The following PCDH19 variants were observed in gnomAD, a reference collection of about 807,000 sequenced individuals.
PCDH19 encodes protocadherin-19.
In PCDH19, 6 loss-of-function variants were observed where a neutral mutation model predicts 46.2. The ratio of observed to expected loss-of-function variants is 0.13; its 90% confidence interval spans 0.07 to 0.26. The LOEUF is 0.26. Ranked by LOEUF, PCDH19 falls within the 10% of genes least tolerant of loss-of-function variation. PCDH19 has a pLI of 1.00. For synonymous variants in PCDH19, 481 were observed against 415.7 expected, an observed-to-expected ratio of 1.16 and a Z score of -1.91; for missense variants, 740 against 972.3, an observed-to-expected ratio of 0.76 and a Z score of 3.18.
At chrX:100,348,083 AAAAG>A (rs1254722519) in intron 4 of PCDH19, among the ~76,000 whole-genome samples, 3 of 106,522 alleles carry the variant, frequency 2.8e-5, no homozygotes, top group African/African-American at 1.1e-4. Context: ...AAAAAAAAAA[AAAAG>A]AAAGAAAGAA....
chrX:100,374,052 T>C (rs989016809), intron 3 of PCDH19, among the ~76,000 whole-genome samples: 2 of 113,001 alleles, frequency 1.8e-5, no homozygotes, highest in African/African-American at 3.2e-5. Context: ...GTAGCTTTCA[T>C]TGATTTCGTC....
Position 100,392,003 on chromosome X carries a change from A to C in PCDH19, c.2616+10521T>G, listed in dbSNP as rs191531436. ...ACATTTATTTGATCCCATATTTCCA[A>C]ATATGACACCATGCATAGCCACAAA... is the stretch of plus-strand genomic sequence containing the variant. On this transcript the variant is annotated intron_variant, in intron 3 of 5. Coordinates refer to ENST00000373034, the MANE Select transcript of PCDH19 (RefSeq NM_001184880.2). Among the ~76,000 whole-genome samples the C allele has an allele frequency of 3.8e-3, 427 of 111,891 alleles. 2 individuals carry two copies. Among genetic ancestry groups the C allele is most frequent in the African/African-American group, 0.013 (410 of 30,784 alleles).
At position 100,408,086 on chromosome X, in the gene PCDH19, T is replaced by C. The variant is rs771824360; in HGVS notation, c.512A>G (p.Asn171Ser). The change falls in exon 1 of 6, where the codon AAC becomes AGC. Residue 171 changes from asparagine to serine, a missense_variant. Around this residue, in one of 5 missense-constraint regions of PCDH19, gnomAD observed 48 missense variants for 43.2 expected, o/e 1.11. Transcript: ENST00000373034. Reference sequence around the variant, plus strand: ...CTTGATCTCCAGGCCGAACAGCTCGTTGGGCGTGAGCTCGTAAGTCTGCAC... The same window carrying C: ...CTTGATCTCCAGGCCGAACAGCTCGCTGGGCGTGAGCTCGTAAGTCTGCAC... Reference protein sequence around the residue: ...FGVQTYELTPNELFGLEIKTR... With the variant: ...FGVQTYELTPSELFGLEIKTR... 4.1e-6 allele frequency: 5 copies of C among 1,210,148 alleles called. No individual in the cohort carries two copies. The highest frequency in any genetic ancestry group is 5.6e-6 in the Non-Finnish European group (5 of 895,630).
chrX:100,402,956 G>C (rs375097185), intron 2 of PCDH19, 105 bp from the exon 3 acceptor site: 40 of 599,555 alleles, frequency 6.7e-5, no homozygotes, highest in South Asian at 4.6e-4. Flanking sequence ...CTCCGCTCCA[G>C]CTCCTTATTC....
At chrX:100,405,353 C>T (rs190652259) in intron 1 of PCDH19, among the ~76,000 whole-genome samples, 11 of 111,589 alleles carry the variant, frequency 9.9e-5, no homozygotes, top group African/African-American at 3.6e-4. Context: ...TCAACTGTTT[C>T]GATGAGACAC....
At position 100,296,804 on chromosome X, in the gene PCDH19, G is replaced by A. The variant is rs1365399922; in HGVS notation, c.2920C>T (p.Arg974Trp). The change falls in exon 6 of 6, where the codon CGG (arginine) becomes TGG (tryptophan). Residue 974 changes from arginine to tryptophan, a missense_variant. Physicochemically the swap from Arg to Trp is moderately radical, Grantham distance 101 (BLOSUM62 -3). Around this residue, in one of 5 missense-constraint regions of PCDH19, gnomAD observed 416 missense variants for 476.8 expected, o/e 0.87. Transcript: ENST00000373034. ...TTGGAACGGATGGGCATGGGGTTCCGGGGCATCCAGCACCTGTCAGAGTGG... is the reference window on the plus strand; with the variant it reads ...TTGGAACGGATGGGCATGGGGTTCCAGGGCATCCAGCACCTGTCAGAGTGG... ...LGHSDRCWMPRNPMPIRSKSP... is the reference protein window; with the variant it reads ...LGHSDRCWMPWNPMPIRSKSP... 7.4e-6 allele frequency: 9 copies of A among 1,209,205 alleles called. No homozygotes were observed. The highest frequency in any genetic ancestry group is 5.9e-5 in the East Asian group (2 of 33,745).
At chrX:100,309,666 AC>A (rs1214758664) in intron 5 of PCDH19, among the ~76,000 whole-genome samples, 1 of 111,716 alleles carries the variant, frequency 9.0e-6, no homozygotes, top group African/African-American at 3.3e-5. Context: ...GGTTAAAAAC[AC>A]TAGAAATGTC....
intron 5 of PCDH19, among the ~76,000 whole-genome samples, chrX:100,329,779 G>T (rs1220010896): frequency 9.0e-6 from 1 of 110,947 alleles, no homozygotes; most frequent in Non-Finnish European, 1.9e-5. Context: ...GGGCGTGGTG[G>T]CAGGCGCCTG....
At chrX:100,336,091 C>A (rs1926077796) in intron 5 of PCDH19, among the ~76,000 whole-genome samples, 1 of 112,215 alleles carries the variant, frequency 8.9e-6, no homozygotes, top group African/African-American at 3.2e-5. Context: ...TTTTTGACAG[C>A]AAATGCTATT....
At chrX:100,399,365 A>G (rs1294785581) in intron 3 of PCDH19, among the ~76,000 whole-genome samples, 1 of 111,744 alleles carries the variant, frequency 8.9e-6, no homozygotes, top group Non-Finnish European at 1.9e-5. Context: ...ATTGCACCCT[A>G]TATTAGCATT....
At chrX:100,303,273 A>G (rs1924840706) in intron 5 of PCDH19, among the ~76,000 whole-genome samples, 1 of 110,427 alleles carries the variant, frequency 9.1e-6, no homozygotes, top group African/African-American at 3.3e-5. Context: ...AATGGAAAAG[A>G]AAGGAAGGAA....
At chrX:100,313,918 A>C (rs970689479) in intron 5 of PCDH19, among the ~76,000 whole-genome samples, 1 of 108,781 alleles carries the variant, frequency 9.2e-6, no homozygotes, top group African/African-American at 3.4e-5. Context: ...AAGTCTATAC[A>C]GAATTGTAAT....
chrX:100,371,229 G>A, intron 3 of PCDH19, among the ~76,000 whole-genome samples: 1 of 111,914 alleles, frequency 8.9e-6, no homozygotes, highest in Non-Finnish European at 1.9e-5. Flanking sequence ...GATACCAAAT[G>A]TTTGGTGGTC....
intron 3 of PCDH19, among the ~76,000 whole-genome samples, chrX:100,356,873 G>T (rs1277501772): frequency 5.4e-5 from 6 of 111,006 alleles, no homozygotes; most frequent in Non-Finnish European, 9.4e-5. Flanking sequence ...CCCTAGGATT[G>T]TCATTAACTT....
At chrX:100,313,803 C>G (rs1925204843) in intron 5 of PCDH19, among the ~76,000 whole-genome samples, 1 of 107,832 alleles carries the variant, frequency 9.3e-6, no homozygotes, top group South Asian at 4.1e-4. Context: ...GGGGCAGATG[C>G]AGAATTATAT....
At chrX:100,344,868 A>AC (rs1240252500) in intron 4 of PCDH19, among the ~76,000 whole-genome samples, 126 of 105,315 alleles carry the variant, frequency 1.2e-3, no homozygotes, top group African/African-American at 4.2e-3. Flanking sequence ...AGTGACCCCC[A>AC]CTTAAAGGAA....
At chrX:100,323,011 C>T (rs1340742639) in intron 5 of PCDH19, among the ~76,000 whole-genome samples, 1 of 107,426 alleles carries the variant, frequency 9.3e-6, no homozygotes, top group Non-Finnish European at 1.9e-5. Context: ...TCTTAAATAT[C>T]AACATGAGCA....
At chrX:100,402,929 A>T in intron 2 of PCDH19, 78 bp from the exon 3 acceptor site, 1 of 771,184 alleles carries the variant, frequency 1.3e-6, no homozygotes. Flanking sequence ...TAAGCACCCC[A>T]GAGGGTTGCA....
rs186440667 is a variant in PCDH19 at position 100,391,665 on chromosome X, C to G, written c.2616+10859G>C. On this transcript the variant is annotated intron_variant, in intron 3 of 5. Transcript: ENST00000373034. The stretch of plus-strand genomic sequence containing the variant: ...AAGATAACTTGGAGATCCCCCAACC[C>G]AATCTCTTCACATATTGTTGCAGGT... 2.6e-4 allele frequency among the ~76,000 whole-genome samples: 29 copies of G among 112,273 alleles called. 1 individual carries two copies. The East Asian group carries it at 7.9e-3, about 30-fold the overall frequency.
Sources: gnomAD v4.1 joint callset for allele counts (sites outside exome capture counted in the v4.1 genomes callset) on GRCh38, gnomAD v4.1.1 for gene constraint, gnomAD v4.1.1 regional missense constraint, MANE v1.5 for transcripts, NCBI Gene and HGNC (gene_info 2026-07-23, HGNC 2026-07-21) for gene names.